MROH2A: variants seen among roughly 807,000 people sequenced by gnomAD.
The protein encoded by MROH2A is maestro heat like repeat family member 2A, also known as maestro heat-like repeat-containing protein family member 2A.
A neutral mutation model predicts 200.4 loss-of-function variants in MROH2A; 174 were observed. That is an observed-to-expected ratio of 0.87 (90% confidence interval 0.77 to 0.98). The LOEUF (loss-of-function observed/expected upper bound fraction) is 0.98, where lower values mean the gene tolerates loss of function less well. MROH2A is among the 50% of genes least tolerant of loss of function. The pLI, the probability that MROH2A is intolerant of heterozygous loss-of-function variation, is 0.00. For missense variants in MROH2A, 2,045 were observed against 2,139.6 expected (o/e 0.96, Z 0.87); for synonymous variants, 829 against 840.4 (o/e 0.99, Z 0.23).
At chr2:233,802,106 C>A in intron 14 of MROH2A, 62 bp from the exon 15 acceptor site, 3 of 1,480,384 alleles carry the variant, frequency 2.0e-6, no homozygotes, top group Non-Finnish European at 2.7e-6. Context: ...CCTGACTGTT[C>A]TCCTTAGAAG....
chr2:233,795,804 G>T, intron 9 of MROH2A, 59 bp downstream of exon 9: 1 of 1,550,392 alleles, frequency 6.4e-7, no homozygotes, highest in Non-Finnish European at 8.7e-7. Context: ...GCAGGAAGCT[G>T]GCGGCGGGAG....
At position 233,814,876 on chromosome 2, in the gene MROH2A, T is replaced by C. The variant is rs1238342258; in HGVS notation, c.2856+199T>C. ...CATGCAGATTCACAGTTCTTAATACTTTGTCACATTTTCTTTCTCGGTTTT... is the reference window on the plus strand; with the variant it reads ...CATGCAGATTCACAGTTCTTAATACCTTGTCACATTTTCTTTCTCGGTTTT... On this transcript the variant is annotated intron_variant, in intron 26 of 41. Coordinates refer to ENST00000389758, the MANE Select transcript of MROH2A (RefSeq NM_001394639.1). 2.0e-5 allele frequency among the ~76,000 whole-genome samples: 3 copies of C among 152,246 alleles called. 1 individual carries two copies. The East Asian group carries it at 5.8e-4, about 29-fold the overall frequency.
intron 11 of MROH2A, among the ~76,000 whole-genome samples, chr2:233,797,609 A>C (rs1251241110): frequency 6.6e-6 from 1 of 152,236 alleles, no homozygotes; most frequent in African/African-American, 2.4e-5. Context: ...TTTATGCATA[A>C]ACAGGTCTGA....
Position 233,818,715 on chromosome 2 carries a change from A to G in MROH2A, c.3149A>G (p.Asp1050Gly). Residue 1050 changes from aspartate (D) to glycine (G), a missense_variant, in exon 29 of 42, where the codon GAC (aspartate) becomes GGC (glycine). Transcript: ENST00000389758. ...AAGGAGCTTGAGAAATGTAAGGGGG[A>G]CCTCCAGAGCACAGATGTGGAGAAG... is the stretch of plus-strand genomic sequence containing the variant. The part of the protein sequence containing the change: ...KQKELEKCKG[D>G]LQSTDVEKIF... The G allele has an allele frequency of 1.9e-6, 3 of 1,549,816 alleles. No homozygotes were observed. Among genetic ancestry groups the G allele is most frequent in the Non-Finnish European group, 2.6e-6 (3 of 1,146,698 alleles).
At position 233,807,244 on chromosome 2, in the gene MROH2A, G is replaced by A. The variant is rs1204011679; in HGVS notation, c.2053-179G>A. 6.6e-6 allele frequency among the ~76,000 whole-genome samples: 1 copy of A among 152,020 alleles called. No homozygotes were observed. The highest frequency in any genetic ancestry group is 2.4e-5 in the African/African-American group (1 of 41,356). ...TTCTTTATCCACTCATTGATTGATGGGCATTTGGGCTGCTTCCACATTTTT... is the reference window on the plus strand; with the variant it reads ...TTCTTTATCCACTCATTGATTGATGAGCATTTGGGCTGCTTCCACATTTTT... On this transcript the variant is annotated intron_variant, in intron 19 of 41. Coordinates refer to ENST00000389758, the MANE Select transcript of MROH2A (RefSeq NM_001394639.1). The surrounding 1 kb of genome is among the most constrained non-coding windows in gnomAD (Gnocchi z 4.3).
At chr2:233,812,873 C>T (rs564043712) in intron 24 of MROH2A, among the ~76,000 whole-genome samples, 22 of 152,318 alleles carry the variant, frequency 1.4e-4, no homozygotes, top group African/African-American at 4.3e-4. Flanking sequence ...TTAGGCAGAA[C>T]GACTGGACTT....
rs570591470 is a variant in MROH2A at position 233,779,100 on chromosome 2, A to T, written c.-14-245A>T. ...TAGAATGTTTCTGTTCAATCTGATA[A>T]GAGGGAATCTCATGTGGCATAGTGT... On this transcript the variant is annotated intron_variant, in intron 1 of 41. Transcript: ENST00000389758. Among the ~76,000 whole-genome samples the T allele has an allele frequency of 3.2e-4, 49 of 152,332 alleles. No individual in the cohort carries two copies. The South Asian group carries it at 4.1e-3, about 13-fold the overall frequency.
intron 19 of MROH2A, 45 bp downstream of exon 19, chr2:233,805,156 C>T: frequency 7.5e-7 from 1 of 1,341,474 alleles, no homozygotes. Context: ...GGAGTAGACT[C>T]CAGGGGTGAG....
intron 8 of MROH2A, 139 bp from the exon 9 acceptor site, chr2:233,795,514 C>T: frequency 7.5e-7 from 1 of 1,327,822 alleles, no homozygotes; most frequent in Non-Finnish European, 1.0e-6. Flanking sequence ...TGGGGTAGGG[C>T]CTGAGAGTCT....
chr2:233,823,714 G>C (rs546420424), intron 35 of MROH2A, 50 bp downstream of exon 35: 7 of 1,534,420 alleles, frequency 4.6e-6, no homozygotes, highest in Non-Finnish European at 5.3e-6. Flanking sequence ...AGGGGATGGG[G>C]TCCCTGGATT....
upstream of MROH2A, among the ~76,000 whole-genome samples, chr2:233,775,977 T>C (rs1222558614): frequency 6.6e-6 from 1 of 152,316 alleles, no homozygotes; most frequent in East Asian, 1.9e-4. Flanking sequence ...CCTGCCACCA[T>C]GTAAGATGTG....
chr2:233,810,908 A>C lies in MROH2A; in HGVS notation c.2563A>C (p.Ile855Leu), dbSNP rs994927372. The change falls in exon 23 of 42, where the codon ATT (isoleucine) becomes CTT (leucine). Residue 855 changes from isoleucine to leucine, a missense_variant. This residue lies in a region of MROH2A where 1,201 missense variants were observed against 1,311.3 expected (regional missense o/e 0.92). Transcript: ENST00000389758. ...TGCCCAGAAGACGACTCTTACCAGCATTATAGTGGTAAGCTGGGTGGGGCA... is the reference window on the plus strand; with the variant it reads ...TGCCCAGAAGACGACTCTTACCAGCCTTATAGTGGTAAGCTGGGTGGGGCA... ...HFAQKTTLTS[I>L]IVAVIKAEPT... 3.2e-6 allele frequency: 5 copies of C among 1,550,020 alleles called. No individual in the cohort carries two copies. Among genetic ancestry groups the C allele is most frequent in the Non-Finnish European group, 3.5e-6 (4 of 1,146,598 alleles).
At position 233,786,599 on chromosome 2, in the gene MROH2A, T is replaced by C. The variant is rs28899485; in HGVS notation, c.277-2898T>C. Among the ~76,000 whole-genome samples, 542 of 152,300 alleles carry C rather than the reference T, an allele frequency of 3.6e-3. 1 individual carries two copies. Among genetic ancestry groups the C allele is most frequent in the African/African-American group, 0.013 (525 of 41,558 alleles). On this transcript the variant is annotated intron_variant, in intron 3 of 41. Transcript: ENST00000389758. ...ACATTATTCAATCTGTAACAGTTGT[T>C]TTGTACTTAAAAAGCATGCTGATGG...
At chr2:233,832,373 G>A in intron 40 of MROH2A, 94 bp downstream of exon 40, 1 of 1,121,892 alleles carries the variant, frequency 8.9e-7, no homozygotes, top group Non-Finnish European at 1.3e-6. Context: ...TGAGTGGGAG[G>A]CATGTGGCAA....
intron 40 of MROH2A, 131 bp downstream of exon 40, chr2:233,832,410 C>T: frequency 1.0e-6 from 1 of 957,800 alleles, no homozygotes; most frequent in Non-Finnish European, 1.6e-6. Flanking sequence ...AGGTCTAAGC[C>T]CTGCACTGTG....
chr2:233,828,793 C>T lies in MROH2A; in HGVS notation c.4263+14C>T, dbSNP rs763797734. ...GCCCCCAAGAAGGTACTGTGCCTGG[C>T]CCTGGGCCCAGGTCCCGGGAGCTGA... is the stretch of plus-strand genomic sequence containing the variant. On this transcript the variant is annotated intron_variant, in intron 36 of 41. Coordinates refer to ENST00000389758, the MANE Select transcript of MROH2A (RefSeq NM_001394639.1). The surrounding 1 kb of genome is among the most constrained non-coding windows in gnomAD (Gnocchi z 4.6). The T allele has an allele frequency of 1.3e-6, 2 of 1,549,500 alleles. No homozygotes were observed. The highest frequency in any genetic ancestry group is 2.4e-5 in the South Asian group (2 of 83,994).
At position 233,828,956 on chromosome 2, in the gene MROH2A, A is replaced by T. The variant is rs1161709074; in HGVS notation, c.4330A>T (p.Ser1444Cys). The change falls in exon 37 of 42, where the codon AGC (serine) becomes TGC (cysteine). Residue 1444 changes from serine to cysteine, a missense_variant. Around this residue, in one of 3 missense-constraint regions of MROH2A, gnomAD observed 1,201 missense variants for 1,311.3 expected, o/e 0.92. Transcript: ENST00000389758. The surrounding 1 kb of genome is among the most constrained non-coding windows in gnomAD (Gnocchi z 4.6). ...LGPLREPVSN[S>C]VTAEGMEALT... ...CCCCCTGAGGGAGCCCGTGAGCAAC[A>T]GCGTGACTGCCGAGGGCATGGAGGC... The T allele has an allele frequency of 6.4e-7, 1 of 1,550,532 alleles. No homozygotes were observed. The highest frequency in any genetic ancestry group is 8.7e-7 in the Non-Finnish European group (1 of 1,146,964).
intron 19 of MROH2A, among the ~76,000 whole-genome samples, chr2:233,806,138 CATGTTCTT>C (rs1702777516): frequency 6.6e-6 from 1 of 152,084 alleles, no homozygotes; most frequent in Non-Finnish European, 1.5e-5. Context: ...TAAGGAAGAA[CATGTTCTT>C]CCATAACAGA....
intron 29 of MROH2A, 43 bp downstream of exon 29, chr2:233,818,813 G>A (rs1013707103): frequency 2.2e-6 from 3 of 1,352,168 alleles, no homozygotes; most frequent in Middle Eastern, 1.9e-4. Flanking sequence ...GCTGGTCTCA[G>A]GGCCCTTGGC....
Sources: gnomAD v4.1 joint callset for allele counts (sites outside exome capture counted in the v4.1 genomes callset) on GRCh38, gnomAD v4.1.1 for gene constraint, gnomAD v4.1.1 regional missense constraint, Gnocchi (gnomAD v3.1) non-coding constraint, MANE v1.5 for transcripts, NCBI Gene and HGNC (gene_info 2026-07-23, HGNC 2026-07-21) for gene names.